The following ANO3 variants were observed in gnomAD, a reference collection of about 807,000 sequenced individuals.
The protein encoded by ANO3 is anoctamin-3.
A neutral mutation model predicts 144.8 loss-of-function variants in ANO3; 99 were observed. The ratio of observed to expected loss-of-function variants is 0.68; its 90% CI spans 0.58 to 0.81. ANO3 has a LOEUF of 0.81. Ranked by LOEUF, ANO3 falls within the 30% of genes least tolerant of loss-of-function variation. The probability of loss-of-function intolerance (pLI) is 0.00; values close to 1 mark genes in which losing one functional copy is unlikely to be tolerated. For missense variants in ANO3, 905 were observed against 1,202.2 expected (o/e 0.75, Z 3.66); for synonymous variants, 414 against 392.6 (o/e 1.05, Z -0.64).
intron 1 of ANO3, among the ~76,000 whole-genome samples, chr11:26,260,047 C>CT (rs768969943): frequency 0.036 from 4,628 of 129,744 alleles, 119 homozygotes; most frequent in Admixed American, 0.066. Flanking sequence ...TTTTAAAGTG[C>CT]TTTTTTTTTT....
At chr11:26,237,391 A>G (rs778950376) in intron 1 of ANO3, among the ~76,000 whole-genome samples, 2 of 152,112 alleles carry the variant, frequency 1.3e-5, no homozygotes, top group Admixed American at 6.5e-5. Flanking sequence ...TTTTAAATCA[A>G]TGAATACCAT....
intron 1 of ANO3, among the ~76,000 whole-genome samples, chr11:26,332,761 G>T (rs1855089415): frequency 6.6e-6 from 1 of 152,106 alleles, no homozygotes; most frequent in African/African-American, 2.4e-5. Context: ...TAAGATAAAT[G>T]AATTCTTGGG....
intron 1 of ANO3, among the ~76,000 whole-genome samples, chr11:26,377,393 G>A (rs1238570806): frequency 6.6e-6 from 1 of 151,988 alleles, no homozygotes. Context: ...AACCACATGA[G>A]CATATTCATA....
intron 11 of ANO3, 28 bp from the exon 12 acceptor site, chr11:26,547,388 C>G: frequency 6.2e-7 from 1 of 1,604,884 alleles, no homozygotes. Flanking sequence ...TGCCTTAACT[C>G]AGTCTAAGGA....
chr11:26,409,982 C>T (rs1221387341), intron 1 of ANO3, among the ~76,000 whole-genome samples: 2 of 151,894 alleles, frequency 1.3e-5, no homozygotes, highest in Non-Finnish European at 2.9e-5. Flanking sequence ...AAGCCTGATC[C>T]AGAATTATTT....
At chr11:26,294,305 G>T (rs934225136) in intron 1 of ANO3, among the ~76,000 whole-genome samples, 1 of 152,134 alleles carries the variant, frequency 6.6e-6, no homozygotes, top group Non-Finnish European at 1.5e-5. Context: ...GTGTATTTTA[G>T]TGTTTATCCA....
intron 3 of ANO3, among the ~76,000 whole-genome samples, chr11:26,455,517 G>T (rs1859119205): frequency 6.6e-6 from 1 of 152,126 alleles, no homozygotes; most frequent in African/African-American, 2.4e-5. Context: ...CCTTACAAGG[G>T]ACGTGAAGTA....
chr11:26,230,789 T>G (rs1372786124), intron 1 of ANO3, among the ~76,000 whole-genome samples: 4 of 77,430 alleles, frequency 5.2e-5, no homozygotes, highest in Non-Finnish European at 8.8e-5. Flanking sequence ...AGAGCATGAC[T>G]CCATCTCCAA....
chr11:26,242,961 G>A (rs529126649), intron 1 of ANO3, among the ~76,000 whole-genome samples: 59 of 152,270 alleles, frequency 3.9e-4, no homozygotes, highest in Non-Finnish European at 8.1e-4. Flanking sequence ...GATGTTTATT[G>A]TATATCATCA....
chr11:26,457,844 A>C (rs1859227320), intron 3 of ANO3, among the ~76,000 whole-genome samples: 1 of 152,098 alleles, frequency 6.6e-6, no homozygotes, highest in South Asian at 2.1e-4. Flanking sequence ...TATTTGTCAT[A>C]ATCAGATTTA....
intron 1 of ANO3, among the ~76,000 whole-genome samples, chr11:26,429,416 A>G (rs1428479786): frequency 6.6e-6 from 1 of 151,806 alleles, no homozygotes; most frequent in African/African-American, 2.4e-5. Context: ...TCATATAAAG[A>G]TAACCCCTAA....
At chr11:26,656,584 C>A in intron 26 of ANO3, 103 bp downstream of exon 26, 1 of 748,542 alleles carries the variant, frequency 1.3e-6, no homozygotes, top group Non-Finnish European at 2.3e-6. Context: ...CATAAAAACA[C>A]TTAAGTAGGT....
chr11:26,209,094 C>T (rs948569967), intron 1 of ANO3, among the ~76,000 whole-genome samples: 1 of 152,186 alleles, frequency 6.6e-6, no homozygotes, highest in Admixed American at 6.5e-5. Context: ...TTGCTGCACT[C>T]ATCAACCCAT....
intron 11 of ANO3, among the ~76,000 whole-genome samples, chr11:26,545,879 G>A (rs2703402): frequency 6.6e-6 from 1 of 151,640 alleles, no homozygotes; most frequent in Non-Finnish European, 1.5e-5. Context: ...TTTTTCATTA[G>A]CCTCTTTTAC....
chr11:26,576,228 C>T (rs978355806), intron 14 of ANO3, among the ~76,000 whole-genome samples: 2 of 152,212 alleles, frequency 1.3e-5, no homozygotes, highest in South Asian at 2.1e-4. Context: ...ATTGCCATCA[C>T]GTTTCCAAGA....
intron 13 of ANO3, among the ~76,000 whole-genome samples, chr11:26,553,947 A>T (rs1454674722): frequency 6.6e-6 from 1 of 152,178 alleles, no homozygotes; most frequent in Non-Finnish European, 1.5e-5. Flanking sequence ...ATAGAAGTGT[A>T]ATTAACATGT....
At chr11:26,543,714 T>C (rs1849704503) in intron 11 of ANO3, among the ~76,000 whole-genome samples, 1 of 152,146 alleles carries the variant, frequency 6.6e-6, no homozygotes, top group Non-Finnish European at 1.5e-5. Flanking sequence ...TGGTGTTTGG[T>C]TTTCTGTCCT....
chr11:26,308,943 G>A (rs1172890322), upstream of ANO3, among the ~76,000 whole-genome samples: 1 of 152,110 alleles, frequency 6.6e-6, no homozygotes, highest in Non-Finnish European at 1.5e-5. Flanking sequence ...TATTTTGCAG[G>A]AGAAAGAAAA....
At chr11:26,205,243 T>C (rs1656778941) in intron 1 of ANO3, among the ~76,000 whole-genome samples, 2 of 152,168 alleles carry the variant, frequency 1.3e-5, no homozygotes, top group South Asian at 4.1e-4. Flanking sequence ...ACCATACTGT[T>C]TGCAACTTTG....
Sources: gnomAD v4.1 joint callset for allele counts (sites outside exome capture counted in the v4.1 genomes callset) on GRCh38, gnomAD v4.1.1 for gene constraint, MANE v1.5 for transcripts, NCBI Gene and HGNC (gene_info 2026-07-23, HGNC 2026-07-21) for gene names.